KLF8: variants seen among roughly 807,000 people sequenced by gnomAD.
KLF8 encodes the protein Krueppel-like factor 8.
Under a neutral mutation model 18.2 loss-of-function variants are expected in KLF8, and 10 were observed. That is an observed-to-expected ratio of 0.55 (90% CI 0.34 to 0.93). The LOEUF (loss-of-function observed/expected upper bound fraction) is 0.93. Ranked by LOEUF, KLF8 falls within the 40% of genes least tolerant of loss-of-function variation. The pLI, the probability that KLF8 is intolerant of heterozygous loss-of-function variation, is 0.02. For missense variants in KLF8, 264 were observed against 277.9 expected, an observed-to-expected ratio of 0.95 and a Z score of 0.36; for synonymous variants, 109 against 97.3, an observed-to-expected ratio of 1.12 and a Z score of -0.71.
chrX:56,109,788 T>A, the KLF8 span, among the ~76,000 whole-genome samples: 14 of 111,524 alleles, frequency 1.3e-4, no homozygotes, highest in South Asian at 1.1e-3. Context: ...TTTTAATTTT[T>A]ATTTTTATTT....
chrX:56,252,179 ATTG>A (rs1338685279), intron 2 of KLF8, among the ~76,000 whole-genome samples: 1 of 110,554 alleles, frequency 9.0e-6, no homozygotes, highest in Non-Finnish European at 1.9e-5. Flanking sequence ...CGCCCAGCTA[ATTG>A]TTTGTATTTT....
chrX:56,260,254 G>A (rs372509322), intron 2 of KLF8, among the ~76,000 whole-genome samples: 3 of 111,284 alleles, frequency 2.7e-5, no homozygotes, highest in Non-Finnish European at 3.8e-5. Flanking sequence ...TTTCCAAAAA[G>A]ACTCTGGGAA....
the KLF8 span, among the ~76,000 whole-genome samples, chrX:56,177,123 A>T: frequency 9.0e-6 from 1 of 111,518 alleles, no homozygotes; most frequent in Non-Finnish European, 1.9e-5. Context: ...TTCTCCATCC[A>T]GCTTTGTTCC....
the KLF8 span, among the ~76,000 whole-genome samples, chrX:56,010,903 A>G: frequency 1.8e-5 from 2 of 112,554 alleles, no homozygotes; most frequent in Non-Finnish European, 3.8e-5. Flanking sequence ...TAAAGGGATC[A>G]ATTCAACAAG....
chrX:56,202,559 T>TCCCCCCCCCCCCCCCCCCCC, the KLF8 span, among the ~76,000 whole-genome samples: 40 of 75,765 alleles, frequency 5.3e-4, no homozygotes, highest in Non-Finnish European at 7.6e-4. Flanking sequence ...CCATTAACCT[T>TCCCCCCCCCCCCCCCCCCCC]CCCCCCCCCT....
At chrX:56,069,630 C>T in the KLF8 span, among the ~76,000 whole-genome samples, 1 of 111,615 alleles carries the variant, frequency 9.0e-6, no homozygotes, top group East Asian at 2.8e-4. Context: ...CTAAGGGGTG[C>T]AGCCCCCTAT....
chrX:56,138,061 A>AAC, the KLF8 span, among the ~76,000 whole-genome samples: 2 of 106,455 alleles, frequency 1.9e-5, no homozygotes, highest in Non-Finnish European at 3.9e-5. Context: ...AAAAAAAAAA[A>AAC]AAAAACCCTC....
the KLF8 span, among the ~76,000 whole-genome samples, chrX:56,049,817 G>C: frequency 9.1e-6 from 1 of 109,566 alleles, no homozygotes; most frequent in African/African-American, 3.3e-5. Flanking sequence ...TTTTTCTATT[G>C]ATTGGAATAG....
chrX:55,940,895 A>G, the KLF8 span, among the ~76,000 whole-genome samples: 1 of 111,919 alleles, frequency 8.9e-6, no homozygotes, highest in Non-Finnish European at 1.9e-5. Context: ...AAACGGAAGA[A>G]CATTCCATGC....
At chrX:56,163,135 G>T in the KLF8 span, among the ~76,000 whole-genome samples, 1 of 111,722 alleles carries the variant, frequency 9.0e-6, no homozygotes, top group Non-Finnish European at 1.9e-5. Flanking sequence ...AGTTCAAATG[G>T]CATTTCTGTC....
At chrX:56,145,581 C>G in the KLF8 span, among the ~76,000 whole-genome samples, 1 of 111,977 alleles carries the variant, frequency 8.9e-6, no homozygotes, top group African/African-American at 3.2e-5. Context: ...AAAAGATAAA[C>G]AAAATGTGAT....
At chrX:56,153,206 G>A in the KLF8 span, among the ~76,000 whole-genome samples, 1 of 110,612 alleles carries the variant, frequency 9.0e-6, no homozygotes. Flanking sequence ...AGGCTTAAGA[G>A]TAACGTTACC....
the KLF8 span, among the ~76,000 whole-genome samples, chrX:56,196,928 A>C: frequency 1.8e-5 from 2 of 112,187 alleles, no homozygotes; most frequent in African/African-American, 3.2e-5. Flanking sequence ...ATTAGAACTT[A>C]GGATTAAGAA....
chrX:56,196,946 CA>C, the KLF8 span, among the ~76,000 whole-genome samples: 5 of 111,916 alleles, frequency 4.5e-5, no homozygotes, highest in African/African-American at 1.6e-4. Context: ...GAAACTTACT[CA>C]AAACAGCACA....
chrX:56,076,663 G>A, the KLF8 span, among the ~76,000 whole-genome samples: 2 of 111,454 alleles, frequency 1.8e-5, no homozygotes, highest in African/African-American at 6.5e-5. Flanking sequence ...CCCAGTAATG[G>A]GATGGCTGGG....
At chrX:56,119,942 T>A in the KLF8 span, among the ~76,000 whole-genome samples, 194 of 109,297 alleles carry the variant, frequency 1.8e-3, 4 homozygotes, top group South Asian at 0.073. Context: ...ACGTAGTTGA[T>A]GGTTACTCCA....
chrX:56,279,519 G>A (rs896668394), intron 5 of KLF8, among the ~76,000 whole-genome samples: 1 of 111,899 alleles, frequency 8.9e-6, no homozygotes, highest in Non-Finnish European at 1.9e-5. Context: ...TAGTGAGATG[G>A]GAATAAGCTT....
the KLF8 span, among the ~76,000 whole-genome samples, chrX:56,207,717 C>A: frequency 9.0e-6 from 1 of 110,608 alleles, no homozygotes; most frequent in Non-Finnish European, 1.9e-5. Flanking sequence ...TTGCTGTCTT[C>A]TTCTGATTCC....
the KLF8 span, among the ~76,000 whole-genome samples, chrX:56,077,737 T>C: frequency 1.8e-5 from 2 of 111,799 alleles, no homozygotes; most frequent in Admixed American, 1.9e-4. Flanking sequence ...TTGGGCAGTG[T>C]GGCCATTTTC....
Sources: allele counts gnomAD v4.1 joint callset (sites outside exome capture counted in the v4.1 genomes callset), GRCh38; gene constraint gnomAD v4.1.1; transcripts MANE v1.5; gene names NCBI Gene and HGNC (gene_info 2026-07-23, HGNC 2026-07-21).